The following OR2L13 variants were observed in gnomAD, a reference collection of about 807,000 sequenced individuals.
OR2L13 encodes the protein olfactory receptor 2L13.
OR2L13 carries 14 observed loss-of-function variants against 15.3 expected under a neutral mutation model. That is an observed-to-expected ratio of 0.91 (90% confidence interval 0.60 to 1.43). OR2L13 has a LOEUF of 1.43. Among genes scored for constraint, OR2L13 ranks in the 40% most tolerant of loss-of-function variants. The probability of loss-of-function intolerance (pLI) is 0.00; values close to 1 mark genes in which losing one functional copy is unlikely to be tolerated. For missense variants in OR2L13, 367 were observed against 387.9 expected, an observed-to-expected ratio of 0.95 and a Z score of 0.45; for synonymous variants, 152 against 142.9, an observed-to-expected ratio of 1.06 and a Z score of -0.45.
the OR2L13 span, among the ~76,000 whole-genome samples, chr1:248,073,194 C>T: frequency 1.3e-5 from 2 of 152,170 alleles, no homozygotes; most frequent in South Asian, 2.1e-4. Flanking sequence ...TATTGTGTCA[C>T]TATTCACAAT....
the OR2L13 span, among the ~76,000 whole-genome samples, chr1:247,983,769 G>C: frequency 0.039 from 5,910 of 152,240 alleles, 355 homozygotes; most frequent in African/African-American, 0.13. Context: ...TGCCACTCAC[G>C]ACTTGCAAAG....
At chr1:247,987,189 T>C in the OR2L13 span, among the ~76,000 whole-genome samples, 1 of 152,228 alleles carries the variant, frequency 6.6e-6, no homozygotes, top group East Asian at 1.9e-4. Context: ...ATTGTTAGTA[T>C]ATAGAAGTCA....
chr1:248,069,424 T>C, the OR2L13 span, among the ~76,000 whole-genome samples: 1 of 152,184 alleles, frequency 6.6e-6, no homozygotes, highest in African/African-American at 2.4e-5. Context: ...AAGCAAATGC[T>C]GAGAGATTTT....
chr1:247,946,728 CCCT>C, the OR2L13 span, among the ~76,000 whole-genome samples: 1 of 152,134 alleles, frequency 6.6e-6, no homozygotes, highest in Non-Finnish European at 1.5e-5. Context: ...GCGACCTGCT[CCCT>C]CCTCCATAAT....
chr1:247,997,743 A>T, the OR2L13 span, among the ~76,000 whole-genome samples: 16 of 152,190 alleles, frequency 1.1e-4, no homozygotes, highest in Non-Finnish European at 2.4e-4. Context: ...ATCTAAATAC[A>T]TTATCAGAAC....
upstream of OR2L13, among the ~76,000 whole-genome samples, chr1:248,090,228 G>A (rs1466455546): frequency 1.3e-5 from 2 of 152,160 alleles, no homozygotes; most frequent in African/African-American, 4.8e-5. Flanking sequence ...TGGACTTGGG[G>A]TGTGCCACTC....
At chr1:247,940,201 A>G in the OR2L13 span, among the ~76,000 whole-genome samples, 1 of 152,168 alleles carries the variant, frequency 6.6e-6, no homozygotes, top group Non-Finnish European at 1.5e-5. Context: ...TGTTGGAAGC[A>G]TGAATACAAT....
At chr1:248,042,178 A>G in the OR2L13 span, 1 of 152,184 alleles carries the variant, frequency 6.6e-6, no homozygotes, top group African/African-American at 2.4e-5. Context: ...TGCAGCCATA[A>G]AAGATGATGA....
upstream of OR2L13, among the ~76,000 whole-genome samples, chr1:248,092,746 A>G (rs1329414867): frequency 4.6e-5 from 7 of 152,300 alleles, no homozygotes; most frequent in East Asian, 1.4e-3. Flanking sequence ...AGAGTAATTC[A>G]TTACATCCTG....
At chr1:248,033,607 TTG>T in the OR2L13 span, among the ~76,000 whole-genome samples, 1 of 24,280 alleles carries the variant, frequency 4.1e-5, no homozygotes, top group African/African-American at 7.3e-5. Flanking sequence ...TGGCTAATTT[TTG>T]TTTTTTTTTT....
At chr1:248,026,611 T>G in the OR2L13 span, among the ~76,000 whole-genome samples, 3 of 152,182 alleles carry the variant, frequency 2.0e-5, no homozygotes, top group Non-Finnish European at 4.4e-5. Flanking sequence ...GGACCCCGAA[T>G]GGAGGGACCG....
At chr1:248,010,506 T>C in the OR2L13 span, among the ~76,000 whole-genome samples, 6 of 152,146 alleles carry the variant, frequency 3.9e-5, no homozygotes, top group African/African-American at 1.4e-4. Context: ...CATTGCTCTC[T>C]CTAATATTGA....
chr1:247,955,235 G>A, the OR2L13 span, among the ~76,000 whole-genome samples: 1 of 152,072 alleles, frequency 6.6e-6, no homozygotes, highest in Non-Finnish European at 1.5e-5. Context: ...TGCTGAGAAC[G>A]ATGGTTTCCA....
the OR2L13 span, among the ~76,000 whole-genome samples, chr1:248,033,718 C>T: frequency 6.6e-6 from 1 of 151,476 alleles, no homozygotes; most frequent in African/African-American, 2.4e-5. Context: ...GCTGGGATTT[C>T]AGGTGTGAGC....
the OR2L13 span, among the ~76,000 whole-genome samples, chr1:248,067,483 C>T: frequency 0.041 from 6,214 of 152,188 alleles, 424 homozygotes; most frequent in African/African-American, 0.14. Context: ...GATTAATTTT[C>T]TTTAATAGCT....
At chr1:248,000,886 C>T in the OR2L13 span, among the ~76,000 whole-genome samples, 1 of 151,898 alleles carries the variant, frequency 6.6e-6, no homozygotes, top group Non-Finnish European at 1.5e-5. Flanking sequence ...TTTATACTTT[C>T]TCAATTATTT....
At chr1:247,962,196 C>T in the OR2L13 span, among the ~76,000 whole-genome samples, 46 of 152,326 alleles carry the variant, frequency 3.0e-4, no homozygotes, top group African/African-American at 9.6e-4. Flanking sequence ...CCTTCAGTAT[C>T]CTCTATGAAT....
the OR2L13 span, among the ~76,000 whole-genome samples, chr1:248,078,693 T>G: frequency 6.6e-6 from 1 of 152,076 alleles, no homozygotes; most frequent in Non-Finnish European, 1.5e-5. Flanking sequence ...GACCTTCACT[T>G]GTAATAGCAA....
At chr1:248,100,480 AATTAAT>A (rs1664836062) in exon 3 of OR2L13, 2 of 348,866 alleles carry the variant, frequency 5.7e-6, no homozygotes, top group Non-Finnish European at 5.4e-6. Flanking sequence ...ACAATGTTAT[AATTAAT>A]ATTAATATTA....
Sources: gnomAD v4.1 joint callset for allele counts (sites outside exome capture counted in the v4.1 genomes callset) on GRCh38, gnomAD v4.1.1 for gene constraint, MANE v1.5 for transcripts, NCBI Gene and HGNC (gene_info 2026-07-23, HGNC 2026-07-21) for gene names.